The following CORIN variants were observed in gnomAD, a reference collection of about 807,000 sequenced individuals.
CORIN encodes the protein atrial natriuretic peptide-converting enzyme.
Under a neutral mutation model 125.3 loss-of-function variants are expected in CORIN, and 117 were observed. The ratio of observed to expected loss-of-function variants is 0.93; its 90% CI spans 0.80 to 1.09. The LOEUF (loss-of-function observed/expected upper bound fraction) is 1.09, where lower values mean the gene tolerates loss of function less well. CORIN is among the 50% of genes least tolerant of loss of function. CORIN has a pLI of 0.00. For synonymous variants in CORIN, 450 were observed against 466.4 expected (o/e 0.96, Z 0.45); for missense variants, 1,253 against 1,306.7 (o/e 0.96, Z 0.63).
chr4:47,830,139 T>C (rs1732916247), intron 1 of CORIN, among the ~76,000 whole-genome samples: 1 of 152,158 alleles, frequency 6.6e-6, no homozygotes, highest in Admixed American at 6.5e-5. Context: ...GAAAATCATG[T>C]ACTGTCAAAC....
chr4:47,786,047 G>A (rs182019023), intron 3 of CORIN, among the ~76,000 whole-genome samples: 17 of 152,026 alleles, frequency 1.1e-4, no homozygotes, highest in Admixed American at 9.2e-4. Context: ...CTCAAAATAA[G>A]TAACTTAAAA....
intron 4 of CORIN, among the ~76,000 whole-genome samples, chr4:47,751,820 A>G (rs1044187527): frequency 6.6e-6 from 1 of 152,224 alleles, no homozygotes; most frequent in Non-Finnish European, 1.5e-5. Flanking sequence ...TGTGCCTGGC[A>G]CATTATAGGC....
chr4:47,606,216 C>T (rs1381624284), intron 19 of CORIN, among the ~76,000 whole-genome samples: 1 of 152,094 alleles, frequency 6.6e-6, no homozygotes, highest in Non-Finnish European at 1.5e-5. Flanking sequence ...GTAGTACTAT[C>T]ACATGAACAT....
chr4:47,747,826 G>A (rs140126528), intron 4 of CORIN, among the ~76,000 whole-genome samples: 41 of 152,168 alleles, frequency 2.7e-4, no homozygotes, highest in African/African-American at 9.6e-4. Flanking sequence ...GCTGGAGTTT[G>A]GACCATTTTT....
intron 2 of CORIN, among the ~76,000 whole-genome samples, chr4:47,795,591 A>G (rs900550070): frequency 1.4e-5 from 2 of 144,036 alleles, no homozygotes; most frequent in Non-Finnish European, 3.2e-5. Flanking sequence ...GGCAACAAAG[A>G]AAAAAAAAAG....
Position 47,706,751 on chromosome 4 carries a change from T to C in CORIN, c.800-13668A>G. On this transcript the variant is annotated intron_variant, in intron 5 of 21. Transcript: ENST00000273857. The stretch of plus-strand genomic sequence containing the variant: ...TTACTGGGTTGGTGAAGATTCCACA[T>C]ACAAATTTTTTGAGGTTATCCTCAT... The C allele has an allele frequency of 1.9e-6, 3 of 1,600,892 alleles. No individual in the cohort carries two copies. In the South Asian group the frequency reaches 3.3e-5, roughly 18 times the overall value.
At chr4:47,697,033 T>C (rs1726044617) in intron 5 of CORIN, among the ~76,000 whole-genome samples, 1 of 152,162 alleles carries the variant, frequency 6.6e-6, no homozygotes, top group African/African-American at 2.4e-5. Context: ...GCTCTGCACA[T>C]CACATGGGCC....
At chr4:47,779,780 T>C (rs1020231479) in intron 3 of CORIN, among the ~76,000 whole-genome samples, 4 of 152,164 alleles carry the variant, frequency 2.6e-5, no homozygotes, top group Non-Finnish European at 4.4e-5. Flanking sequence ...AATGAAAACA[T>C]CTCATGTTAA....
chr4:47,802,986 A>C (rs1486034477), intron 2 of CORIN, among the ~76,000 whole-genome samples: 1 of 152,176 alleles, frequency 6.6e-6, no homozygotes, highest in East Asian at 1.9e-4. Flanking sequence ...AATTCAGAGA[A>C]TTCTTCCAGA....
chr4:47,759,911 T>C (rs1729368415), intron 4 of CORIN, among the ~76,000 whole-genome samples: 1 of 152,242 alleles, frequency 6.6e-6, no homozygotes, highest in Admixed American at 6.5e-5. Context: ...AATTACTTTC[T>C]CCACTAAAGT....
intron 5 of CORIN, among the ~76,000 whole-genome samples, chr4:47,714,517 TG>T (rs1457828922): frequency 2.6e-5 from 4 of 152,210 alleles, no homozygotes; most frequent in Admixed American, 2.6e-4. Context: ...GAGGTAGAAC[TG>T]GAACTACGAT....
At chr4:47,836,628 G>C (rs1488134623) in intron 1 of CORIN, among the ~76,000 whole-genome samples, 1 of 152,190 alleles carries the variant, frequency 6.6e-6, no homozygotes, top group Non-Finnish European at 1.5e-5. Flanking sequence ...TCCCGCGGGA[G>C]GAAAGCTCCA....
chr4:47,610,930 T>C (rs1721843560), intron 19 of CORIN, among the ~76,000 whole-genome samples: 1 of 152,188 alleles, frequency 6.6e-6, no homozygotes, highest in African/African-American at 2.4e-5. Context: ...CTGGGTTCTC[T>C]ATTCTGTTCC....
In CORIN at chr4:47,671,133, T is replaced by C. The variant is rs113514430; in HGVS notation, c.1357+3260A>G. ...ATACATTCTCAACCTTGGCTATACA[T>C]TGAAGTCATCTGTAGAATTAAAAAA... On this transcript the variant is annotated intron_variant, in intron 10 of 21. Transcript: ENST00000273857. Among the ~76,000 whole-genome samples, 1,367 of 152,302 alleles carry C rather than the reference T, an allele frequency of 9.0e-3. 6 individuals carry two copies. The highest frequency in any genetic ancestry group is 0.027 in the Middle Eastern group (8 of 294).
intron 5 of CORIN, among the ~76,000 whole-genome samples, chr4:47,698,355 G>A (rs1726129891): frequency 6.6e-6 from 1 of 151,760 alleles, no homozygotes; most frequent in African/African-American, 2.4e-5. Flanking sequence ...ACTTGAAAGA[G>A]GTGAGGGAGT....
Position 47,712,417 on chromosome 4 carries a change from G to C in CORIN, c.800-19334C>G, listed in dbSNP as rs564141434. Among the ~76,000 whole-genome samples the C allele has an allele frequency of 1.1e-3, 170 of 152,224 alleles. 2 individuals carry two copies. The highest frequency in any genetic ancestry group is 1.4e-3 in the Non-Finnish European group (98 of 68,022). ...CCTGCCTCAGTTTCCCAAGTAGTTA[G>C]GACTACAGGTGTGCATCACCATGCC... On this transcript the variant is annotated intron_variant, in intron 5 of 21. Transcript: ENST00000273857.
At position 47,766,702 on chromosome 4, in the gene CORIN, T is replaced by G. The variant is rs549530386; in HGVS notation, c.410-3116A>C. On this transcript the variant is annotated intron_variant, in intron 3 of 21. Coordinates refer to ENST00000273857, the MANE Select transcript of CORIN (RefSeq NM_006587.4). ...GGCTCACACCTGTAATCCCAGCACTTTGGGAGGCTGAGGTGGGCGGATCAC... is the reference window on the plus strand; with the variant it reads ...GGCTCACACCTGTAATCCCAGCACTGTGGGAGGCTGAGGTGGGCGGATCAC... 1.1e-4 allele frequency among the ~76,000 whole-genome samples: 16 copies of G among 152,076 alleles called. 1 individual carries two copies. The highest frequency in any genetic ancestry group is 3.4e-4 in the African/African-American group (14 of 41,492).
intron 13 of CORIN, 27 bp from the exon 14 acceptor site, chr4:47,645,221 C>A: frequency 7.9e-7 from 1 of 1,272,342 alleles, no homozygotes; most frequent in Non-Finnish European, 1.1e-6. Flanking sequence ...AGGTTATTTG[C>A]AATAGACGTG....
chr4:47,737,996 T>TA lies in CORIN; in HGVS notation c.799+6405dup, dbSNP rs35645880. On this transcript the variant is annotated intron_variant, in intron 5 of 21. Coordinates refer to ENST00000273857, the MANE Select transcript of CORIN (RefSeq NM_006587.4). Reference sequence around the variant, plus strand: ...AAAAGCCTTTTCCCCGGGGTGTTTCTAAAAAAAAAAATTAATAATCGATTA... The same window carrying TA: ...AAAAGCCTTTTCCCCGGGGTGTTTCTAAAAAAAAAAAATTAATAATCGATTA... 4.0e-3 allele frequency among the ~76,000 whole-genome samples: 593 copies of TA among 148,284 alleles called. 5 individuals carry two copies. Among genetic ancestry groups the TA allele is most frequent in the African/African-American group, 0.012 (469 of 40,680 alleles).
Sources: allele counts gnomAD v4.1 joint callset (sites outside exome capture counted in the v4.1 genomes callset), GRCh38; gene constraint gnomAD v4.1.1; transcripts MANE v1.5; gene names NCBI Gene and HGNC (gene_info 2026-07-23, HGNC 2026-07-21).